Variants in TMEM45B observed in about 807,000 individuals in gnomAD.
TMEM45B encodes transmembrane protein 45B.
Under a neutral mutation model 27.3 loss-of-function variants are expected in TMEM45B, and 29 were observed. The observed-to-expected ratio is 1.06, with a 90% CI of 0.79 to 1.45. The LOEUF is 1.45. TMEM45B is among the 40% of genes most tolerant of loss of function. TMEM45B has a pLI of 0.00. For synonymous variants in TMEM45B, 143 were observed against 134.7 expected (o/e 1.06, Z -0.43); for missense variants, 348 against 343.9 (o/e 1.01, Z -0.09).
At chr11:129,816,035 G>A in intron 1 of TMEM45B, 137 bp downstream of exon 1, 3 of 1,207,204 alleles carry the variant, frequency 2.5e-6, no homozygotes, top group Non-Finnish European at 3.1e-6. Context: ...GACGCGGACA[G>A]GGAGGGGCTC....
chr11:129,833,110 C>T (rs368671818), intron 1 of TMEM45B, among the ~76,000 whole-genome samples: 2 of 151,746 alleles, frequency 1.3e-5, no homozygotes, highest in Admixed American at 6.6e-5. Context: ...GTTGTGGTGG[C>T]GCACCTGTAG....
intron 1 of TMEM45B, among the ~76,000 whole-genome samples, chr11:129,843,097 G>A (rs1471585852): frequency 2.0e-5 from 3 of 152,108 alleles, no homozygotes; most frequent in East Asian, 3.9e-4. Flanking sequence ...GCGCCACCAC[G>A]GCTGGCTAAT....
intron 1 of TMEM45B, among the ~76,000 whole-genome samples, chr11:129,836,376 C>T (rs1472835759): frequency 6.6e-6 from 1 of 152,164 alleles, no homozygotes; most frequent in Non-Finnish European, 1.5e-5. Context: ...TGGGACTTAA[C>T]AGTTGATGCT....
intron 1 of TMEM45B, among the ~76,000 whole-genome samples, chr11:129,820,818 G>A (rs1461203119): frequency 6.6e-6 from 1 of 152,108 alleles, no homozygotes; most frequent in Non-Finnish European, 1.5e-5. Flanking sequence ...TTTTCATTGA[G>A]TTTATACTGA....
intron 2 of TMEM45B, 156 bp downstream of exon 2, chr11:129,852,816 T>C: frequency 1.4e-6 from 1 of 728,444 alleles, no homozygotes; most frequent in African/African-American, 1.8e-5. Flanking sequence ...GTAACATCCA[T>C]TGTGTACAGA....
chr11:129,822,494 G>T (rs1017864051), intron 1 of TMEM45B, among the ~76,000 whole-genome samples: 1 of 152,124 alleles, frequency 6.6e-6, no homozygotes, highest in Admixed American at 6.5e-5. Flanking sequence ...TCTGTCTCTA[G>T]TGCTTTCTAG....
intron 1 of TMEM45B, among the ~76,000 whole-genome samples, chr11:129,839,662 C>G (rs1033689469): frequency 2.6e-4 from 40 of 152,228 alleles, no homozygotes; most frequent in African/African-American, 9.6e-4. Flanking sequence ...ATCTCAGCCT[C>G]CCGAGTAGCT....
chr11:129,852,351 GTGT>G, intron 1 of TMEM45B, 121 bp from the exon 2 acceptor site: 1 of 834,302 alleles, frequency 1.2e-6, no homozygotes, highest in Non-Finnish European at 1.9e-6. Context: ...TTATGAGAAT[GTGT>G]TGATCCTTCT....
intron 1 of TMEM45B, among the ~76,000 whole-genome samples, chr11:129,836,743 G>T (rs1296989452): frequency 1.3e-5 from 2 of 152,066 alleles, no homozygotes; most frequent in Non-Finnish European, 2.9e-5. Flanking sequence ...GAATATAAAT[G>T]GTTGTTTAAT....
At chr11:129,849,547 C>A (rs572663915) in intron 1 of TMEM45B, among the ~76,000 whole-genome samples, 28 of 152,194 alleles carry the variant, frequency 1.8e-4, no homozygotes, top group Non-Finnish European at 3.5e-4. Flanking sequence ...TCTGCTCGGG[C>A]CCTGAGGTCA....
chr11:129,853,505 C>T (rs1947878169), intron 2 of TMEM45B, among the ~76,000 whole-genome samples: 1 of 152,204 alleles, frequency 6.6e-6, no homozygotes, highest in South Asian at 2.1e-4. Flanking sequence ...AGAGAGGCCT[C>T]CCGTGAGAAG....
rs567723417 is a variant in TMEM45B at position 129,841,592 on chromosome 11, G to GTTT, written c.-8-10869_-8-10867dup. ...GCTTGAAGTTTTCTTTTGTTTTTTT[G>GTTT]TTTTTTTTTTTTTTTTGGAGACAAG... On this transcript the variant is annotated intron_variant, in intron 1 of 5. Transcript: ENST00000281441. 2.9e-3 allele frequency among the ~76,000 whole-genome samples: 358 copies of GTTT among 124,574 alleles called. 2 individuals are homozygous for GTTT. Among genetic ancestry groups the GTTT allele is most frequent in the Middle Eastern group, 4.8e-3 (1 of 208 alleles). 81.7% of individuals were successfully genotyped at this position (124,574 alleles called of 152,430 possible).
At chr11:129,836,323 A>C (rs915968185) in intron 1 of TMEM45B, among the ~76,000 whole-genome samples, 4 of 152,212 alleles carry the variant, frequency 2.6e-5, no homozygotes, top group African/African-American at 9.6e-5. Flanking sequence ...ACCATACCTC[A>C]AATCTCACCC....
intron 1 of TMEM45B, among the ~76,000 whole-genome samples, chr11:129,823,502 A>G (rs1446590001): frequency 6.6e-6 from 1 of 152,206 alleles, no homozygotes; most frequent in East Asian, 1.9e-4. Flanking sequence ...ATCTCCCAGA[A>G]CAGTGCCTTA....
chr11:129,848,675 T>A (rs1480976362), intron 1 of TMEM45B, among the ~76,000 whole-genome samples: 1 of 152,166 alleles, frequency 6.6e-6, no homozygotes. Flanking sequence ...TGCTTTACAT[T>A]CCGGGGTGGT....
intron 1 of TMEM45B, among the ~76,000 whole-genome samples, chr11:129,848,896 T>C (rs1015838894): frequency 6.6e-6 from 1 of 152,208 alleles, no homozygotes; most frequent in Non-Finnish European, 1.5e-5. Context: ...CAGCCCTTTA[T>C]AAGGGTGCTT....
chr11:129,837,585 C>CCTTTTTTTTTTTTTTTTTTTTTT (rs1947636610), intron 1 of TMEM45B, among the ~76,000 whole-genome samples: 1 of 80,294 alleles, frequency 1.2e-5, no homozygotes, highest in African/African-American at 4.3e-5. Flanking sequence ...CTGCACTGGG[C>CCTTTTTTTTTTTTTTTTTTTTTT]TTTTTTTTTT....
chr11:129,846,030 A>ACT (rs1158870247), intron 1 of TMEM45B, among the ~76,000 whole-genome samples: 1 of 152,236 alleles, frequency 6.6e-6, no homozygotes, highest in Non-Finnish European at 1.5e-5. Flanking sequence ...AAACAGAAAT[A>ACT]AGTTATCTGA....
At chr11:129,857,948 C>A (rs1288612683) in intron 5 of TMEM45B, among the ~76,000 whole-genome samples, 1 of 152,236 alleles carries the variant, frequency 6.6e-6, no homozygotes, top group Non-Finnish European at 1.5e-5. Context: ...TATGCACTTG[C>A]TGCGCCCCAG....
Sources: gnomAD v4.1 joint callset for allele counts (sites outside exome capture counted in the v4.1 genomes callset) on GRCh38, gnomAD v4.1.1 for gene constraint, MANE v1.5 for transcripts, NCBI Gene and HGNC (gene_info 2026-07-23, HGNC 2026-07-21) for gene names.